Variants in KMT2C observed in about 807,000 individuals in gnomAD.
KMT2C encodes histone-lysine N-methyltransferase 2C.
A neutral mutation model predicts 507.9 loss-of-function variants in KMT2C; 88 were observed. The ratio of observed to expected loss-of-function variants is 0.17; its 90% confidence interval spans 0.15 to 0.21. The LOEUF (loss-of-function observed/expected upper bound fraction) is 0.21, where lower values mean the gene tolerates loss of function less well. Ranked by LOEUF, KMT2C falls within the 10% of genes least tolerant of loss-of-function variation. The probability of loss-of-function intolerance (pLI) is 1.00; values close to 1 mark genes in which losing one functional copy is unlikely to be tolerated. For missense variants in KMT2C, 4,954 were observed against 5,957.8 expected, an observed-to-expected ratio of 0.83 and a Z score of 5.55; for synonymous variants, 2,049 against 2,080.8, an observed-to-expected ratio of 0.98 and a Z score of 0.42.
chr7:152,350,299 AGAAGTAACT>A (rs2097099928), intron 2 of KMT2C, among the ~76,000 whole-genome samples: 1 of 152,226 alleles, frequency 6.6e-6, no homozygotes, highest in Non-Finnish European at 1.5e-5. Flanking sequence ...AACTTATGCT[AGAAGTAACT>A]GAATGTATCG....
chr7:152,161,517 A>G (rs903759087), intron 43 of KMT2C, among the ~76,000 whole-genome samples: 2 of 152,360 alleles, frequency 1.3e-5, no homozygotes, highest in Admixed American at 6.5e-5. Context: ...TAAAGGGGAC[A>G]GATTCTTGTA....
intron 1 of KMT2C, among the ~76,000 whole-genome samples, chr7:152,364,617 A>AAAAAAAAG (rs56810754): frequency 3.3e-5 from 5 of 149,918 alleles, no homozygotes; most frequent in East Asian, 1.9e-4. Context: ...TCCAAAAAAA[A>AAAAAAAAG]AAAGAAAAGA....
rs760480724 is a variant in KMT2C, at chr7:152,181,615, A to G, written c.6245T>C (p.Ile2082Thr). 7.4e-6 allele frequency: 12 copies of G among 1,613,948 alleles called. No homozygotes were observed. Among genetic ancestry groups the G allele is most frequent in the Admixed American group, 6.7e-5 (4 of 59,996 alleles). ...YERPALTPRPIDNFSHNQSND... is the reference protein window; with the variant it reads ...YERPALTPRPTDNFSHNQSND... ...TGACTGATTATGAGAAAAATTATCTATAGGTCTTGGTGTCAAAGCAGGCCT... is the reference window on the plus strand; with the variant it reads ...TGACTGATTATGAGAAAAATTATCTGTAGGTCTTGGTGTCAAAGCAGGCCT... The change falls in exon 36 of 59, where the codon ATA becomes ACA. Residue 2082 changes from isoleucine to threonine, a missense_variant. By Grantham distance (89) the Ile-to-Thr change is moderately conservative. Transcript: ENST00000262189.
chr7:152,347,856 T>C (rs1388359142), intron 2 of KMT2C, among the ~76,000 whole-genome samples: 3 of 152,318 alleles, frequency 2.0e-5, no homozygotes, highest in African/African-American at 7.2e-5. Context: ...TTTTTTCAAA[T>C]TGTCACGAAT....
At chr7:152,401,178 G>C (rs55794932) in intron 1 of KMT2C, among the ~76,000 whole-genome samples, 7,355 of 147,656 alleles carry the variant, frequency 0.05, 633 homozygotes, top group African/African-American at 0.17. Flanking sequence ...CTCCGCCTCC[G>C]GGGTTCAAGC....
chr7:152,246,938 C>T (rs1588554529), intron 14 of KMT2C, among the ~76,000 whole-genome samples: 1 of 152,138 alleles, frequency 6.6e-6, no homozygotes, highest in Admixed American at 6.5e-5. Flanking sequence ...GACTAATTTT[C>T]ACATTAAAAA....
intron 44 of KMT2C, among the ~76,000 whole-genome samples, chr7:152,157,366 TTGTA>T (rs2092135061): frequency 6.6e-6 from 1 of 152,038 alleles, no homozygotes; most frequent in South Asian, 2.1e-4. Flanking sequence ...TAGGAATTAC[TTGTA>T]ATTAATACCT....
intron 1 of KMT2C, among the ~76,000 whole-genome samples, chr7:152,401,738 G>T (rs556130746): frequency 6.6e-6 from 1 of 152,206 alleles, no homozygotes; most frequent in African/African-American, 2.4e-5. Context: ...ACAATACAGC[G>T]CATAACTGTT....
intron 23 of KMT2C, chr7:152,220,289 T>C: frequency 3.9e-6 from 2 of 516,338 alleles, no homozygotes; most frequent in East Asian, 6.7e-5. Flanking sequence ...AAAGATATGG[T>C]GCTCCTTGAG....
chr7:152,287,222 G>T (rs1435981167), intron 6 of KMT2C, among the ~76,000 whole-genome samples: 1 of 152,182 alleles, frequency 6.6e-6, no homozygotes, highest in Non-Finnish European at 1.5e-5. Flanking sequence ...GATATGACAG[G>T]AGAGGCCTAT....
At chr7:152,397,700 T>C (rs118001704) in intron 1 of KMT2C, among the ~76,000 whole-genome samples, 3 of 152,122 alleles carry the variant, frequency 2.0e-5, no homozygotes, top group South Asian at 2.1e-4. Flanking sequence ...TGGGAAAGAA[T>C]TGAATCATAG....
In KMT2C at chr7:152,182,324, C is replaced by A. The variant is rs61730537; in HGVS notation, c.5536G>T (p.Val1846Leu). Reference protein sequence around the residue: ...STPTSTSSDDVFVKPQAPPPP... With the variant: ...STPTSTSSDDLFVKPQAPPPP... ...GGTGGAGCTTGTGGCTTTACAAACA[C>A]ATCATCTGAAGATGTAGACGTAGGG... is the stretch of plus-strand genomic sequence containing the variant. The change falls in exon 36 of 59, where the codon GTG becomes TTG. Residue 1846 changes from valine (V) to leucine (L), a missense_variant. Around this residue, in one of 29 missense-constraint regions of KMT2C, gnomAD observed 1,689 missense variants for 1,654.3 expected, o/e 1.02. Transcript: ENST00000262189. 1 of 1,614,128 alleles carries A rather than the reference C, an allele frequency of 6.2e-7. No homozygotes were observed. Among genetic ancestry groups the A allele is most frequent in the Non-Finnish European group, 8.5e-7 (1 of 1,180,004 alleles).
chr7:152,349,621 T>C (rs574040675), intron 2 of KMT2C, among the ~76,000 whole-genome samples: 14 of 152,054 alleles, frequency 9.2e-5, no homozygotes, highest in African/African-American at 3.1e-4. Flanking sequence ...GTGGTTGCCA[T>C]AGGTTAGCAA....
At chr7:152,372,502 G>A (rs2097300078) in intron 1 of KMT2C, among the ~76,000 whole-genome samples, 1 of 152,092 alleles carries the variant, frequency 6.6e-6, no homozygotes, top group Admixed American at 6.6e-5. Flanking sequence ...GCCTACAAGA[G>A]ACTCTCTTTA....
chr7:152,367,084 C>T lies in KMT2C; in HGVS notation c.162-8409G>A, dbSNP rs1247432376. 3 of 769,674 alleles carry T rather than the reference C, an allele frequency of 3.9e-6. No homozygotes were observed. In the East Asian group the frequency reaches 8.2e-5, roughly 21 times the overall value. 47.7% of individuals were successfully genotyped at this position (769,674 alleles called of 1,614,324 possible). On this transcript the variant is annotated intron_variant, in intron 1 of 58. Coordinates refer to ENST00000262189, the MANE Select transcript of KMT2C (RefSeq NM_170606.3). ...AATCTGTAGTCAGAACTCTGTGCTG[C>T]ATTTTTATCCAGAGAAGGAACAGGA...
At chr7:152,172,317 A>C (rs768862192) in intron 39 of KMT2C, among the ~76,000 whole-genome samples, 1 of 152,228 alleles carries the variant, frequency 6.6e-6, no homozygotes, top group Non-Finnish European at 1.5e-5. Context: ...TACCTGATAC[A>C]TGACTAATGT....
chr7:152,211,191 T>C lies in KMT2C; in HGVS notation c.3713-3763A>G, dbSNP rs111733623. 4.8e-3 allele frequency among the ~76,000 whole-genome samples: 733 copies of C among 152,318 alleles called. 4 individuals carry two copies. The highest frequency in any genetic ancestry group is 0.017 in the African/African-American group (686 of 41,558). ...CATAGAGAGAACCGAGTTCTTCATA[T>C]ACTAGAAACTAAAAGACAGTGGATC... is the stretch of plus-strand genomic sequence containing the variant. On this transcript the variant is annotated intron_variant, in intron 23 of 58. Transcript: ENST00000262189.
At chr7:152,351,124 T>C (rs543103407) in intron 2 of KMT2C, among the ~76,000 whole-genome samples, 3 of 152,352 alleles carry the variant, frequency 2.0e-5, no homozygotes, top group South Asian at 2.1e-4. Flanking sequence ...TCTTCTGATA[T>C]AGCTCCTGAA....
At chr7:152,165,911 C>T (rs922266381) in intron 42 of KMT2C, among the ~76,000 whole-genome samples, 5 of 152,150 alleles carry the variant, frequency 3.3e-5, no homozygotes, top group Non-Finnish European at 4.4e-5. Context: ...TGGTCTCGAA[C>T]TCCTGGCCTC....
Sources: gnomAD v4.1 joint callset for allele counts (sites outside exome capture counted in the v4.1 genomes callset) on GRCh38, gnomAD v4.1.1 for gene constraint, gnomAD v4.1.1 regional missense constraint, MANE v1.5 for transcripts, NCBI Gene and HGNC (gene_info 2026-07-23, HGNC 2026-07-21) for gene names.